The following PABPC4L variants were observed in gnomAD, a reference collection of about 807,000 sequenced individuals.
PABPC4L encodes the protein polyadenylate-binding protein 4-like.
For synonymous variants in PABPC4L, 169 were observed against 164.1 expected (o/e 1.03, Z -0.23); for missense variants, 452 against 451.4 (o/e 1.00, Z -0.01).
chr4:133,988,222 AAC>A, the PABPC4L span, among the ~76,000 whole-genome samples: 1 of 152,160 alleles, frequency 6.6e-6, no homozygotes, highest in Non-Finnish European at 1.5e-5. Flanking sequence ...CACATTTCAA[AAC>A]ACAATCATGC....
At chr4:133,979,659 A>G in the PABPC4L span, among the ~76,000 whole-genome samples, 1 of 152,192 alleles carries the variant, frequency 6.6e-6, no homozygotes, top group Non-Finnish European at 1.5e-5. Flanking sequence ...TTTACCAGAT[A>G]AAAAGAATAC....
the PABPC4L span, among the ~76,000 whole-genome samples, chr4:134,140,679 AC>A: frequency 6.6e-6 from 1 of 151,864 alleles, no homozygotes; most frequent in Admixed American, 6.6e-5. Flanking sequence ...ATATTTTCAA[AC>A]CCTGATCTAC....
chr4:134,190,334 A>G, the PABPC4L span, among the ~76,000 whole-genome samples: 1 of 152,180 alleles, frequency 6.6e-6, no homozygotes, highest in East Asian at 1.9e-4. Flanking sequence ...TAATGTGGTA[A>G]CTCTGAAGCA....
the PABPC4L span, among the ~76,000 whole-genome samples, chr4:134,063,188 G>A: frequency 6.6e-6 from 1 of 152,052 alleles, no homozygotes; most frequent in South Asian, 2.1e-4. Context: ...TCAACTAGAG[G>A]CATTTATCTG....
At chr4:134,181,897 C>A in the PABPC4L span, among the ~76,000 whole-genome samples, 1 of 151,664 alleles carries the variant, frequency 6.6e-6, no homozygotes, top group Non-Finnish European at 1.5e-5. Flanking sequence ...GAAAAACATT[C>A]CATGCTCATA....
chr4:134,166,707 G>C, the PABPC4L span, among the ~76,000 whole-genome samples: 1 of 152,154 alleles, frequency 6.6e-6, no homozygotes, highest in East Asian at 1.9e-4. Context: ...CACAAATTAA[G>C]CCAGTATATC....
Position 134,199,820 on chromosome 4 carries a change from G to T in PABPC4L, c.*87C>A. The stretch of plus-strand genomic sequence containing the variant: ...ACTAAGCACCCATCATGTGGAATAT[G>T]AAATTTACTGAGGTCAATTCAGGCA... On this transcript the variant is annotated 3_prime_UTR_variant, in exon 2 of 2. Coordinates refer to ENST00000421491, the MANE Select transcript of PABPC4L (RefSeq NM_001114734.2). 1 of 1,456,332 alleles carries T rather than the reference G, an allele frequency of 6.9e-7. No homozygotes were observed. The highest frequency in any genetic ancestry group is 2.7e-5 in the Admixed American group (1 of 36,922). The allele number at this position is 1,456,332 out of a possible 1,614,324, so 90.2% of individuals were successfully genotyped here.
the PABPC4L span, among the ~76,000 whole-genome samples, chr4:134,046,636 G>A: frequency 2.0e-5 from 3 of 152,114 alleles, no homozygotes; most frequent in East Asian, 1.9e-4. Flanking sequence ...TGTCTCAGTC[G>A]GGGGAAACCT....
the PABPC4L span, among the ~76,000 whole-genome samples, chr4:134,166,112 A>C: frequency 1.8e-4 from 28 of 152,272 alleles, no homozygotes; most frequent in African/African-American, 6.5e-4. Context: ...TACAACGGAC[A>C]CCACAGAGGC....
At chr4:134,186,429 C>T in the PABPC4L span, among the ~76,000 whole-genome samples, 1 of 152,058 alleles carries the variant, frequency 6.6e-6, no homozygotes, top group Admixed American at 6.6e-5. Context: ...CTGACAAAAA[C>T]AAGAAATGGG....
chr4:133,964,470 A>C, the PABPC4L span, among the ~76,000 whole-genome samples: 2 of 152,138 alleles, frequency 1.3e-5, no homozygotes, highest in Non-Finnish European at 2.9e-5. Flanking sequence ...TCATTCTATG[A>C]AGTCAGCATC....
At chr4:134,047,468 C>T in the PABPC4L span, among the ~76,000 whole-genome samples, 2 of 152,198 alleles carry the variant, frequency 1.3e-5, no homozygotes, top group African/African-American at 4.8e-5. Flanking sequence ...GCTAGAGGCA[C>T]GTCTTTGAAT....
At chr4:134,076,790 G>T in the PABPC4L span, among the ~76,000 whole-genome samples, 1 of 152,030 alleles carries the variant, frequency 6.6e-6, no homozygotes, top group Admixed American at 6.6e-5. Context: ...TAGATAGATA[G>T]ATAGACTTTC....
chr4:133,995,752 C>T, the PABPC4L span, among the ~76,000 whole-genome samples: 11 of 152,194 alleles, frequency 7.2e-5, no homozygotes, highest in African/African-American at 2.2e-4. Flanking sequence ...TGTTACGTCT[C>T]GCCCGGCCAC....
the PABPC4L span, among the ~76,000 whole-genome samples, chr4:134,091,870 T>C: frequency 6.6e-6 from 1 of 152,118 alleles, no homozygotes; most frequent in Non-Finnish European, 1.5e-5. Flanking sequence ...GGTTTTCATA[T>C]ATTACTTTCT....
chr4:134,126,126 G>T, the PABPC4L span, among the ~76,000 whole-genome samples: 1 of 152,110 alleles, frequency 6.6e-6, no homozygotes, highest in African/African-American at 2.4e-5. Flanking sequence ...ATACAGGAGA[G>T]TGTGGGAGAG....
At chr4:133,984,408 T>C in the PABPC4L span, among the ~76,000 whole-genome samples, 2 of 151,862 alleles carry the variant, frequency 1.3e-5, no homozygotes. Context: ...TTGAGTTAGA[T>C]CAGAAATGTA....
At chr4:133,993,912 C>T in the PABPC4L span, among the ~76,000 whole-genome samples, 1 of 152,064 alleles carries the variant, frequency 6.6e-6, no homozygotes, top group African/African-American at 2.4e-5. Flanking sequence ...CAAGAGTAGA[C>T]TTAATGAGGG....
chr4:134,033,444 A>C, the PABPC4L span, among the ~76,000 whole-genome samples: 2 of 151,978 alleles, frequency 1.3e-5, no homozygotes, highest in East Asian at 3.9e-4. Flanking sequence ...TTTAAACCAA[A>C]AGCTATAAAT....
Sources: allele counts gnomAD v4.1 joint callset (sites outside exome capture counted in the v4.1 genomes callset), GRCh38; gene constraint gnomAD v4.1.1; transcripts MANE v1.5; gene names NCBI Gene and HGNC (gene_info 2026-07-23, HGNC 2026-07-21).